GPC6: variants seen among roughly 807,000 people sequenced by gnomAD.
GPC6 encodes glypican-6.
In GPC6, 14 loss-of-function variants were observed where a neutral mutation model predicts 55.2. The observed-to-expected ratio is 0.25, with a 90% CI of 0.17 to 0.40. The LOEUF is 0.40. Among genes scored for constraint, GPC6 ranks in the 10% least tolerant of loss-of-function variants. The pLI is 1.00. For synonymous variants in GPC6, 278 were observed against 259.6 expected, an observed-to-expected ratio of 1.07 and a Z score of -0.68; for missense variants, 641 against 708.5, an observed-to-expected ratio of 0.90 and a Z score of 1.08.
chr13:93,917,483 A>G (rs1230991981), intron 3 of GPC6, among the ~76,000 whole-genome samples: 1 of 152,218 alleles, frequency 6.6e-6, no homozygotes, highest in Non-Finnish European at 1.5e-5. Context: ...TAAGCTGGTA[A>G]AGAGAATTCA....
chr13:94,099,538 A>G (rs1282920922), intron 4 of GPC6, among the ~76,000 whole-genome samples: 1 of 152,204 alleles, frequency 6.6e-6, no homozygotes, highest in African/African-American at 2.4e-5. Flanking sequence ...GGTAAAAATT[A>G]CTTCCTATTT....
At chr13:93,840,044 G>A (rs9524252) in intron 3 of GPC6, among the ~76,000 whole-genome samples, 64,187 of 151,856 alleles carry the variant, frequency 0.42, 14,801 homozygotes, top group African/African-American at 0.6. Context: ...AAGGATTGGT[G>A]CCAATTCTTC....
chr13:93,297,935 C>T (rs141823059), intron 1 of GPC6, among the ~76,000 whole-genome samples: 1,874 of 152,294 alleles, frequency 0.012, 23 homozygotes, highest in Non-Finnish European at 0.021. Flanking sequence ...ATCCCTCTGT[C>T]TTACAATACA....
At chr13:94,232,932 G>T (rs917928971) in intron 4 of GPC6, among the ~76,000 whole-genome samples, 3 of 142,020 alleles carry the variant, frequency 2.1e-5, no homozygotes, top group Admixed American at 2.1e-4. Context: ...TATGGTTAAT[G>T]TAAATGTCAC....
chr13:93,426,628 G>A (rs36175115), intron 1 of GPC6, among the ~76,000 whole-genome samples: 2,494 of 151,418 alleles, frequency 0.016, 63 homozygotes, highest in African/African-American at 0.058. Flanking sequence ...TTCTTAATCC[G>A]GTCTATCATT....
chr13:93,750,845 T>G (rs1884552416), intron 2 of GPC6, among the ~76,000 whole-genome samples: 1 of 152,192 alleles, frequency 6.6e-6, no homozygotes, highest in Non-Finnish European at 1.5e-5. Flanking sequence ...ACTACCACCA[T>G]GGTGATTCCA....
chr13:93,458,724 A>G lies in GPC6; in HGVS notation c.161-86539A>G, dbSNP rs200277413. ...ATTTTTCTTTCCTAGACTCCATGGTATGTATATTTCTCCTGAGGTCTCTTT... is the reference window on the plus strand; with the variant it reads ...ATTTTTCTTTCCTAGACTCCATGGTGTGTATATTTCTCCTGAGGTCTCTTT... On this transcript the variant is annotated intron_variant, in intron 1 of 8. Transcript: ENST00000377047. Among the ~76,000 whole-genome samples the G allele has an allele frequency of 3.9e-5, 6 of 152,300 alleles. No individual in the cohort carries two copies. In the East Asian group the frequency reaches 1.2e-3, roughly 29 times the overall value.
chr13:93,430,350 G>A (rs901526892), intron 1 of GPC6, among the ~76,000 whole-genome samples: 1 of 152,064 alleles, frequency 6.6e-6, no homozygotes, highest in African/African-American at 2.4e-5. Flanking sequence ...CATGATATTA[G>A]TTTTGAAAGT....
intron 3 of GPC6, among the ~76,000 whole-genome samples, chr13:94,001,497 C>T (rs577379529): frequency 6.6e-6 from 1 of 152,092 alleles, no homozygotes; most frequent in African/African-American, 2.4e-5. Context: ...ACACTAAATT[C>T]TTATATGAAT....
chr13:93,513,227 T>A (rs748867483), intron 1 of GPC6, among the ~76,000 whole-genome samples: 16 of 152,210 alleles, frequency 1.1e-4, no homozygotes, highest in Non-Finnish European at 2.2e-4. Context: ...CAGCTCAGAC[T>A]TTAAATCTAC....
intron 2 of GPC6, among the ~76,000 whole-genome samples, chr13:93,739,783 A>G (rs1884137468): frequency 6.6e-6 from 1 of 152,304 alleles, no homozygotes; most frequent in Middle Eastern, 3.4e-3. Flanking sequence ...AGGTTCTAAC[A>G]CTAGCGTAGG....
intron 3 of GPC6, among the ~76,000 whole-genome samples, chr13:93,832,982 A>T (rs1268285417): frequency 1.1e-4 from 16 of 151,942 alleles, no homozygotes; most frequent in Admixed American, 1.1e-3. Flanking sequence ...CCTGAGTTTC[A>T]TCATCATCCC....
At chr13:93,667,975 G>T (rs1407412660) in intron 2 of GPC6, among the ~76,000 whole-genome samples, 1 of 152,100 alleles carries the variant, frequency 6.6e-6, no homozygotes, top group African/African-American at 2.4e-5. Context: ...TTGCATGATA[G>T]ACACCGTGGG....
At chr13:94,143,824 C>T (rs1037893230) in intron 4 of GPC6, among the ~76,000 whole-genome samples, 1 of 152,084 alleles carries the variant, frequency 6.6e-6, no homozygotes, top group Non-Finnish European at 1.5e-5. Context: ...CTGGGAAGTC[C>T]AGGCTGCAGT....
intron 2 of GPC6, among the ~76,000 whole-genome samples, chr13:93,804,364 C>T (rs1296067798): frequency 1.3e-5 from 2 of 152,114 alleles, no homozygotes; most frequent in Non-Finnish European, 2.9e-5. Context: ...GTAGGGTCCA[C>T]CATTACATAT....
At chr13:93,678,613 TA>T (rs1166673054) in intron 2 of GPC6, among the ~76,000 whole-genome samples, 1 of 152,160 alleles carries the variant, frequency 6.6e-6, no homozygotes, top group Admixed American at 6.5e-5. Context: ...CAGTCAGAGT[TA>T]GGAGCTCTTT....
At chr13:93,882,277 G>T (rs889180114) in intron 3 of GPC6, among the ~76,000 whole-genome samples, 7 of 151,834 alleles carry the variant, frequency 4.6e-5, no homozygotes, top group Non-Finnish European at 1.0e-4. Flanking sequence ...CTCCAGAGTT[G>T]CTGGGACTAC....
intron 5 of GPC6, 66 bp from the exon 6 acceptor site, chr13:94,305,914 T>C: frequency 6.7e-7 from 1 of 1,491,102 alleles, no homozygotes; most frequent in East Asian, 2.3e-5. Flanking sequence ...ATTGCACATT[T>C]CTGCTTCATG....
chr13:93,303,237 C>T (rs990009128), intron 1 of GPC6, among the ~76,000 whole-genome samples: 3 of 152,186 alleles, frequency 2.0e-5, no homozygotes, highest in African/African-American at 7.2e-5. Context: ...TACTGTCCCT[C>T]AGTTTACCTT....
Sources: gnomAD v4.1 joint callset for allele counts (sites outside exome capture counted in the v4.1 genomes callset) on GRCh38, gnomAD v4.1.1 for gene constraint, MANE v1.5 for transcripts, NCBI Gene and HGNC (gene_info 2026-07-23, HGNC 2026-07-21) for gene names.